The following METTL25 variants were observed in gnomAD, a reference collection of about 807,000 sequenced individuals.
METTL25 encodes the protein methyltransferase like 25, also known as probable methyltransferase-like protein 25.
A neutral mutation model predicts 71.6 loss-of-function variants in METTL25; 64 were observed. That is an observed-to-expected ratio of 0.89 (90% CI 0.73 to 1.10). METTL25 has a LOEUF of 1.10. METTL25 is among the 50% of genes least tolerant of loss of function. The pLI, the probability that METTL25 is intolerant of heterozygous loss-of-function variation, is 0.00. For synonymous variants in METTL25, 287 were observed against 250.3 expected (o/e 1.15, Z -1.38); for missense variants, 807 against 707.0 (o/e 1.14, Z -1.60).
At chr12:82,372,702 G>A (rs537685631) in intron 1 of METTL25, among the ~76,000 whole-genome samples, 1 of 152,240 alleles carries the variant, frequency 6.6e-6, no homozygotes, top group East Asian at 1.9e-4. Context: ...GGTCCCAGTG[G>A]CTTAGGATGC....
At chr12:82,448,819 A>ATGC (rs57248448) in intron 8 of METTL25, among the ~76,000 whole-genome samples, 128,819 of 151,974 alleles carry the variant, frequency 0.85, 54,984 homozygotes, top group East Asian at 1. Flanking sequence ...GCAAAATTTT[A>ATGC]TGTTGATCTT....
chr12:82,467,719 AT>A (rs1180538650), intron 9 of METTL25, among the ~76,000 whole-genome samples: 2 of 151,784 alleles, frequency 1.3e-5, no homozygotes, highest in Admixed American at 6.6e-5. Context: ...AGAATTCTTT[AT>A]TTGTTCTTGA....
chr12:82,403,389 T>G (rs991812202), intron 5 of METTL25, among the ~76,000 whole-genome samples: 2 of 152,202 alleles, frequency 1.3e-5, no homozygotes, highest in African/African-American at 4.8e-5. Flanking sequence ...TTTGAAAATT[T>G]TATGTGATAC....
At chr12:82,435,185 A>G (rs1314436849) in intron 7 of METTL25, among the ~76,000 whole-genome samples, 3 of 151,496 alleles carry the variant, frequency 2.0e-5, no homozygotes, top group African/African-American at 7.3e-5. Context: ...TAGAAGTTAA[A>G]TATAATCCCC....
chr12:82,397,814 G>A lies in METTL25; in HGVS notation c.532-981G>A, dbSNP rs891406780. ...TTATATGTTTATTTTTATATCAGCT[G>A]TTTCTTTCCATTTTTTCCATTGATT... On this transcript the variant is annotated intron_variant, in intron 3 of 11. Coordinates refer to ENST00000248306, the MANE Select transcript of METTL25 (RefSeq NM_032230.3). Among the ~76,000 whole-genome samples, 5 of 151,802 alleles carry A rather than the reference G, an allele frequency of 3.3e-5. No homozygotes were observed. The South Asian group carries it at 1.0e-3, about 32-fold the overall frequency.
chr12:82,359,273 T>A (rs2136768096), intron 1 of METTL25, among the ~76,000 whole-genome samples: 1 of 142,424 alleles, frequency 7.0e-6, no homozygotes, highest in Non-Finnish European at 1.5e-5. Context: ...TGCCTCAATT[T>A]AGGAGGTCAG....
intron 1 of METTL25, among the ~76,000 whole-genome samples, chr12:82,370,674 G>A (rs929195702): frequency 6.7e-6 from 1 of 149,360 alleles, no homozygotes; most frequent in Non-Finnish European, 1.5e-5. Context: ...TTAAAGCAAT[G>A]GGGTATACTG....
At chr12:82,472,459 G>A (rs573575187) in intron 9 of METTL25, among the ~76,000 whole-genome samples, 7 of 152,082 alleles carry the variant, frequency 4.6e-5, no homozygotes, top group Non-Finnish European at 7.4e-5. Flanking sequence ...TTAGCCAGGC[G>A]TGGTGGCGGG....
Position 82,358,736 on chromosome 12 carries a change from A to T in METTL25, c.171A>T (p.Thr57=). 7 of 1,614,064 alleles carry T rather than the reference A, an allele frequency of 4.3e-6. No homozygotes were observed. The highest frequency in any genetic ancestry group is 5.1e-6 in the Non-Finnish European group (6 of 1,180,010). Residue 57 remains threonine, a synonymous_variant, in exon 1 of 12, where the codon ACA becomes ACT. Coordinates refer to ENST00000248306, the MANE Select transcript of METTL25 (RefSeq NM_032230.3). The part of the protein sequence containing the change: ...WEELVDLPPE[T]VLAALRKSAS... Reference sequence around the variant, plus strand: ...AGCTGGTCGACTTGCCACCGGAGACAGTGCTGGCTGCGCTGAGGAAGTCAG... The same window carrying T: ...AGCTGGTCGACTTGCCACCGGAGACTGTGCTGGCTGCGCTGAGGAAGTCAG...
intron 1 of METTL25, among the ~76,000 whole-genome samples, chr12:82,372,328 C>G (rs1402309088): frequency 1.3e-5 from 2 of 152,056 alleles, no homozygotes; most frequent in Non-Finnish European, 2.9e-5. Flanking sequence ...TTTTTGTGGT[C>G]CTTTGGAGAG....
intron 9 of METTL25, among the ~76,000 whole-genome samples, chr12:82,471,008 G>T (rs1339123495): frequency 6.6e-6 from 1 of 152,110 alleles, no homozygotes; most frequent in Non-Finnish European, 1.5e-5. Flanking sequence ...CAAGATGCTT[G>T]CTTTCAAAGT....
chr12:82,379,080 A>AT (rs1211616086), intron 1 of METTL25, among the ~76,000 whole-genome samples: 1 of 152,164 alleles, frequency 6.6e-6, no homozygotes, highest in Non-Finnish European at 1.5e-5. Flanking sequence ...AGTCTTAATT[A>AT]TTTTTGGAAG....
At chr12:82,446,680 A>G (rs1890771465) in intron 8 of METTL25, among the ~76,000 whole-genome samples, 1 of 148,330 alleles carries the variant, frequency 6.7e-6, no homozygotes, top group South Asian at 2.1e-4. Context: ...GCAGTGGTGC[A>G]GTCTCGGCTC....
intron 1 of METTL25, among the ~76,000 whole-genome samples, chr12:82,362,188 C>T (rs1882021752): frequency 6.6e-6 from 1 of 152,136 alleles, no homozygotes; most frequent in East Asian, 1.9e-4. Flanking sequence ...GTTTCTTCTT[C>T]ATTGTTCGTC....
At chr12:82,382,778 T>C (rs1884568819) in intron 1 of METTL25, among the ~76,000 whole-genome samples, 1 of 151,938 alleles carries the variant, frequency 6.6e-6, no homozygotes, top group South Asian at 2.1e-4. Flanking sequence ...TGCAGTGTCA[T>C]GATGAGGGTT....
intron 1 of METTL25, among the ~76,000 whole-genome samples, chr12:82,384,891 A>G (rs948048873): frequency 6.6e-5 from 10 of 152,236 alleles, no homozygotes; most frequent in African/African-American, 2.4e-4. Flanking sequence ...ATCACACTCT[A>G]CAAAATTGCT....
chr12:82,466,775 G>A (rs1450122294), intron 9 of METTL25, among the ~76,000 whole-genome samples: 4 of 152,002 alleles, frequency 2.6e-5, no homozygotes, highest in Non-Finnish European at 5.9e-5. Context: ...AGGTACACCA[G>A]TATAAGGTGC....
chr12:82,382,198 A>G (rs1423703638), intron 1 of METTL25, among the ~76,000 whole-genome samples: 7 of 152,176 alleles, frequency 4.6e-5, no homozygotes, highest in Non-Finnish European at 8.8e-5. Context: ...GCAGGAATGA[A>G]TACAAAATAC....
chr12:82,395,413 A>G (rs942280509), intron 3 of METTL25, among the ~76,000 whole-genome samples: 17 of 152,170 alleles, frequency 1.1e-4, no homozygotes, highest in African/African-American at 3.1e-4. Context: ...AAGCCATTGC[A>G]GTTAACCAGG....
Sources: gnomAD v4.1 joint callset for allele counts (sites outside exome capture counted in the v4.1 genomes callset) on GRCh38, gnomAD v4.1.1 for gene constraint, MANE v1.5 for transcripts, NCBI Gene and HGNC (gene_info 2026-07-23, HGNC 2026-07-21) for gene names.